Variants in SLC12A7 observed in about 807,000 individuals in gnomAD.
The protein encoded by SLC12A7 is K-Cl cotransporter 4.
Under a neutral mutation model 120.6 loss-of-function variants are expected in SLC12A7, and 100 were observed. The ratio of observed to expected loss-of-function variants is 0.83; its 90% CI spans 0.71 to 0.98. The LOEUF is 0.98. SLC12A7 is among the 50% of genes least tolerant of loss of function. The pLI, the probability that SLC12A7 is intolerant of heterozygous loss-of-function variation, is 0.00. For missense variants in SLC12A7, 1,373 were observed against 1,548.1 expected, an observed-to-expected ratio of 0.89 and a Z score of 1.90; for synonymous variants, 760 against 678.0, an observed-to-expected ratio of 1.12 and a Z score of -1.88.
chr5:1,087,630 CG>C (rs1740015988), intron 5 of SLC12A7, among the ~76,000 whole-genome samples: 1 of 152,188 alleles, frequency 6.6e-6, no homozygotes, highest in Non-Finnish European at 1.5e-5. Flanking sequence ...CTCCTGAGGC[CG>C]GGGAAGTCCG....
At chr5:1,118,453 C>T in the SLC12A7 span, among the ~76,000 whole-genome samples, 16 of 152,328 alleles carry the variant, frequency 1.1e-4, no homozygotes, top group African/African-American at 2.6e-4. Context: ...CATCCAGACC[C>T]GGCAGAAGAG....
At chr5:1,080,534 G>A (rs528588774) in intron 9 of SLC12A7, among the ~76,000 whole-genome samples, 2 of 152,350 alleles carry the variant, frequency 1.3e-5, no homozygotes, top group Non-Finnish European at 2.9e-5. Flanking sequence ...GATGAAGTCC[G>A]GGAGCAGACG....
chr5:1,134,101 T>C, the SLC12A7 span, among the ~76,000 whole-genome samples: 2 of 152,128 alleles, frequency 1.3e-5, no homozygotes, highest in African/African-American at 4.8e-5. Flanking sequence ...CGGCTGATTC[T>C]CATGTTGTGA....
At chr5:1,054,217 C>T (rs1051075840) in intron 22 of SLC12A7, among the ~76,000 whole-genome samples, 2 of 152,254 alleles carry the variant, frequency 1.3e-5, no homozygotes, top group South Asian at 2.1e-4. Flanking sequence ...GTCCAGCCCC[C>T]GCCTTCCGTC....
chr5:1,138,370 C>G, the SLC12A7 span, among the ~76,000 whole-genome samples: 1 of 152,178 alleles, frequency 6.6e-6, no homozygotes, highest in East Asian at 1.9e-4. Flanking sequence ...GTGCTGATTG[C>G]TCCATTTTTA....
chr5:1,143,459 G>A, the SLC12A7 span, among the ~76,000 whole-genome samples: 1 of 152,126 alleles, frequency 6.6e-6, no homozygotes, highest in African/African-American at 2.4e-5. Context: ...ACGCATCCCT[G>A]GTGTCGCTTT....
chr5:1,136,861 ACG>A, the SLC12A7 span, among the ~76,000 whole-genome samples: 1 of 142,382 alleles, frequency 7.0e-6, no homozygotes, highest in African/African-American at 2.7e-5. Flanking sequence ...ACAGCAGGAC[ACG>A]CAGGCACACA....
rs532695741 is a variant in SLC12A7, at chr5:1,094,847, C to T, written c.125-599G>A. Among the ~76,000 whole-genome samples, 9 of 152,250 alleles carry T rather than the reference C, an allele frequency of 5.9e-5. No individual in the cohort carries two copies. In the South Asian group the frequency reaches 8.3e-4, roughly 14 times the overall value. ...CCTGAGTCTTTCAGGAAGGCTGGGCCGGCGACCCCTCCATGGGGCTGAGCC... is the reference window on the plus strand; with the variant it reads ...CCTGAGTCTTTCAGGAAGGCTGGGCTGGCGACCCCTCCATGGGGCTGAGCC... On this transcript the variant is annotated intron_variant, in intron 1 of 23. Coordinates refer to ENST00000264930, the MANE Select transcript of SLC12A7 (RefSeq NM_006598.3).
chr5:1,074,584 G>C lies in SLC12A7; in HGVS notation c.2055C>G (p.Pro685=). ...YALLRVEHGP[P]HTKNWRPQVL... ...GTGCTCACCTCCAGTTCTTGGTGTG[G>C]GGGGGACCGTGCTCCACGCGCAGCA... is the stretch of plus-strand genomic sequence containing the variant. Residue 685 remains proline (P), a synonymous_variant, in exon 16 of 24, where the codon CCC becomes CCG. Transcript: ENST00000264930. 6.2e-7 allele frequency: 1 copy of C among 1,612,602 alleles called. No homozygotes were observed. Among genetic ancestry groups the C allele is most frequent in the South Asian group, 1.1e-5 (1 of 91,054 alleles).
the SLC12A7 span, among the ~76,000 whole-genome samples, chr5:1,144,542 GGAGGGCACGGT>G: frequency 6.6e-6 from 1 of 152,216 alleles, no homozygotes; most frequent in Non-Finnish European, 1.5e-5. Context: ...CACGCTGGGT[GGAGGGCACGGT>G]GAGGTCACGC....
chr5:1,110,880 C>T (rs957398353), intron 1 of SLC12A7, among the ~76,000 whole-genome samples: 1 of 152,250 alleles, frequency 6.6e-6, no homozygotes, highest in African/African-American at 2.4e-5. Flanking sequence ...TGGGTCCCCA[C>T]CCGTGTCTCC....
At chr5:1,088,544 G>A (rs774500824) in intron 4 of SLC12A7, among the ~76,000 whole-genome samples, 184 bp from the exon 5 acceptor site, 1 of 152,190 alleles carries the variant, frequency 6.6e-6, no homozygotes, top group Non-Finnish European at 1.5e-5. Flanking sequence ...AGGCATGCGT[G>A]TCCTGGTTCC....
chr5:1,092,418 A>T (rs1003749473), intron 3 of SLC12A7, among the ~76,000 whole-genome samples: 5 of 152,162 alleles, frequency 3.3e-5, no homozygotes, highest in Admixed American at 2.0e-4. Flanking sequence ...CCCTCCCTGG[A>T]CCTGGGGGCG....
intron 13 of SLC12A7, 40 bp from the exon 14 acceptor site, chr5:1,076,276 C>G: frequency 6.6e-7 from 1 of 1,520,420 alleles, no homozygotes. Flanking sequence ...CCCACTGGGC[C>G]CCCCTGAGCC....
Position 1,093,639 on chromosome 5 carries a change from T to C in SLC12A7, c.236A>G (p.Asn79Ser). 6.2e-7 allele frequency: 1 copy of C among 1,613,012 alleles called. No homozygotes were observed. Among genetic ancestry groups the C allele is most frequent in the Non-Finnish European group, 8.5e-7 (1 of 1,179,830 alleles). ...GTTGAGCAGCGAGGACACCATGGGG[T>C]TACTGTCCATCTCCTCCTGCGCGGC... ...MALFEEEMDS[N>S]PMVSSLLNKL... The change falls in exon 3 of 24, where the codon AAC becomes AGC. Residue 79 changes from asparagine to serine, a missense_variant. Physicochemically the swap from Asn to Ser is conservative, Grantham distance 46 (BLOSUM62 1). Coordinates refer to ENST00000264930, the MANE Select transcript of SLC12A7 (RefSeq NM_006598.3).
chr5:1,091,415 G>A (rs777032032), intron 3 of SLC12A7, among the ~76,000 whole-genome samples: 10 of 152,312 alleles, frequency 6.6e-5, no homozygotes, highest in Non-Finnish European at 1.3e-4. Flanking sequence ...CAGCCGAGCT[G>A]GAGCTAAAGC....
chr5:1,083,878 G>A lies in SLC12A7; in HGVS notation c.996C>T (p.Asn332=), dbSNP rs1299125004. 3.7e-6 allele frequency: 6 copies of A among 1,608,738 alleles called. No homozygotes were observed. In the East Asian group the frequency reaches 1.1e-4, roughly 30 times the overall value. ...GGCCCCAGAGCGCGGAGGTGGCTGA[G>A]TTGTTGTGGATGCCGTAGGCCTTGA... ...ACVKAYGIHN[N]SATSALWGLF... Residue 332 remains asparagine (N), a synonymous_variant, in exon 8 of 24, where the codon AAC becomes AAT. Transcript: ENST00000264930.
intron 1 of SLC12A7, among the ~76,000 whole-genome samples, chr5:1,111,420 G>A (rs1343172919): frequency 6.6e-6 from 1 of 152,154 alleles, no homozygotes; most frequent in Non-Finnish European, 1.5e-5. Context: ...GGGGCAGGAC[G>A]GGCCGGCCCG....
At chr5:1,073,476 C>T (rs1017502819) in intron 17 of SLC12A7, among the ~76,000 whole-genome samples, 157 bp downstream of exon 17, 14 of 152,232 alleles carry the variant, frequency 9.2e-5, no homozygotes, top group Non-Finnish European at 4.4e-5. Flanking sequence ...CAGGCCTTAG[C>T]GCGCTGCTCT....
Sources: allele counts gnomAD v4.1 joint callset (sites outside exome capture counted in the v4.1 genomes callset), GRCh38; gene constraint gnomAD v4.1.1; transcripts MANE v1.5; gene names NCBI Gene and HGNC (gene_info 2026-07-23, HGNC 2026-07-21).